Variants in TRIM59 observed in about 807,000 individuals in gnomAD.
TRIM59 encodes the protein tripartite motif containing 59, also known as tripartite motif-containing protein 59.
TRIM59 carries 14 observed loss-of-function variants against 32.2 expected under a neutral mutation model. That is an observed-to-expected ratio of 0.43 (90% CI 0.29 to 0.68). TRIM59 has a LOEUF of 0.68. Ranked by LOEUF, TRIM59 falls within the 30% of genes least tolerant of loss-of-function variation. TRIM59 has a pLI of 0.15. For synonymous variants in TRIM59, 163 were observed against 155.1 expected (o/e 1.05, Z -0.38); for missense variants, 471 against 463.3 (o/e 1.02, Z -0.15).
At chr3:160,442,872 C>T (rs1480531835) in intron 2 of TRIM59, among the ~76,000 whole-genome samples, 1 of 152,206 alleles carries the variant, frequency 6.6e-6, no homozygotes, top group Non-Finnish European at 1.5e-5. Flanking sequence ...AATTCCAGCA[C>T]TTTGGGAGGC....
At position 160,438,623 on chromosome 3, in the gene TRIM59, C is replaced by T; in HGVS notation, c.561G>A (p.Gln187=). 1 of 1,612,016 alleles carries T rather than the reference C, an allele frequency of 6.2e-7. No individual in the cohort carries two copies. The highest frequency in any genetic ancestry group is 8.5e-7 in the Non-Finnish European group (1 of 1,179,524). ...MIQGDKEAVL[Q]YFKELNDTLE... is the part of the protein sequence containing the mutation. ...ATGTATCATTAAGCTCCTTAAAATA[C>T]TGGAGAACAGCTTCCTTATCGCCTT... is the stretch of plus-strand genomic sequence containing the variant. The change falls in exon 3 of 3, where the codon CAG becomes CAA. Residue 187 remains glutamine, a synonymous_variant. Transcript: ENST00000309784.
intron 2 of TRIM59, among the ~76,000 whole-genome samples, chr3:160,442,087 T>C (rs1487219233): frequency 6.6e-6 from 1 of 152,214 alleles, no homozygotes; most frequent in Non-Finnish European, 1.5e-5. Context: ...AATAACACTT[T>C]GTAGGAAATA....
In TRIM59 at chr3:160,449,657, A is replaced by G. The variant is rs754958935; in HGVS notation, c.-74+60T>C. 9 of 1,289,674 alleles carry G rather than the reference A, an allele frequency of 7.0e-6. No individual in the cohort carries two copies. The Admixed American group carries it at 1.6e-4, about 23-fold the overall frequency. 79.9% of individuals were successfully genotyped at this position (1,289,674 alleles called of 1,614,324 possible). ...CACTAGGCACACCAGACTGTGCTACAGGAAAAGAAAAAGGACTCAGAACCA... is the reference window on the plus strand; with the variant it reads ...CACTAGGCACACCAGACTGTGCTACGGGAAAAGAAAAAGGACTCAGAACCA... On this transcript the variant is annotated intron_variant, in intron 1 of 2. Coordinates refer to ENST00000309784, the MANE Select transcript of TRIM59 (RefSeq NM_173084.3).
At position 160,438,998 on chromosome 3, in the gene TRIM59, A is replaced by G. The variant is rs775186673; in HGVS notation, c.186T>C (p.Ile62=). The change falls in exon 3 of 3, where the codon ATT becomes ATC. Residue 62 remains isoleucine (I), a synonymous_variant. Coordinates refer to ENST00000309784, the MANE Select transcript of TRIM59 (RefSeq NM_173084.3). ...IPLKCPNCRS[I]TEIAPTGIES... The stretch of plus-strand genomic sequence containing the variant: ...CAATGCCAGTTGGAGCAATTTCAGT[A>G]ATACTTCTGCAATTAGGGCACTTGA... The G allele has an allele frequency of 5.0e-6, 8 of 1,613,874 alleles. No homozygotes were observed. The highest frequency in any genetic ancestry group is 6.8e-6 in the Non-Finnish European group (8 of 1,179,870).
In TRIM59 at chr3:160,438,416, A is replaced by G; in HGVS notation, c.768T>C (p.Asp256=). ...TCAAGATCTGTACATGCTGGCGTAC[A>G]TCATCAACTTTTTCAAGAAATTTAA... ...SPLKFLEKVD[D]VRQHVQILKQ... is the part of the protein sequence containing the mutation. Residue 256 remains aspartate, a synonymous_variant, in exon 3 of 3, where the codon GAT becomes GAC. Transcript: ENST00000309784. 6.2e-7 allele frequency: 1 copy of G among 1,614,022 alleles called. No homozygotes were observed. The highest frequency in any genetic ancestry group is 1.3e-5 in the African/African-American group (1 of 75,052).
Position 160,439,135 on chromosome 3 carries a change from A to C in TRIM59, c.49T>G (p.Phe17Val), listed in dbSNP as rs746521894. The change falls in exon 3 of 3, where the codon TTT becomes GTT. Residue 17 changes from phenylalanine to valine, a missense_variant. Transcript: ENST00000309784. ...CATGGCAGTACACGAGGATCTTCAA[A>C]AATACTATAACATATGGGACAAGTT... ...ELTCPICYSI[F>V]EDPRVLPCSH... 6.6e-7 allele frequency: 1 copy of C among 1,515,950 alleles called. No homozygotes were observed. Among genetic ancestry groups the C allele is most frequent in the Non-Finnish European group, 8.8e-7 (1 of 1,134,242 alleles). 93.9% of individuals were successfully genotyped at this position (1,515,950 alleles called of 1,614,324 possible).
rs975141007 is a variant in TRIM59, at chr3:160,436,039, C to T, written c.*1933G>A. ...CTAGTATTTTAAGTAATCAGTGCAA[C>T]TTAGTATTTTTATCTCTAGCTGAGT... is the stretch of plus-strand genomic sequence containing the variant. On this transcript the variant is annotated 3_prime_UTR_variant, in exon 3 of 3. Transcript: ENST00000309784. 3 of 1,187,612 alleles carry T rather than the reference C, an allele frequency of 2.5e-6. No individual in the cohort carries two copies. The highest frequency in any genetic ancestry group is 3.2e-6 in the Non-Finnish European group (3 of 941,876). The allele number at this position is 1,187,612 out of a possible 1,614,324, so 73.6% of individuals were successfully genotyped here.
At chr3:160,443,169 T>C (rs1719343957) in intron 2 of TRIM59, among the ~76,000 whole-genome samples, 1 of 152,166 alleles carries the variant, frequency 6.6e-6, no homozygotes, top group African/African-American at 2.4e-5. Flanking sequence ...AGGCTAGTTC[T>C]TTCAGAAACC....
intron 2 of TRIM59, among the ~76,000 whole-genome samples, chr3:160,446,903 T>C (rs1173333610): frequency 6.6e-6 from 1 of 152,102 alleles, no homozygotes; most frequent in African/African-American, 2.4e-5. Flanking sequence ...CCCAAAACCA[T>C]GCACCACCCA....
chr3:160,441,560 T>C (rs1401110101), intron 2 of TRIM59, among the ~76,000 whole-genome samples: 2 of 152,052 alleles, frequency 1.3e-5, no homozygotes, highest in African/African-American at 4.8e-5. Context: ...GAGACCATCC[T>C]GCCTAACAGG....
At chr3:160,440,242 T>TA (rs1324581116) in intron 2 of TRIM59, among the ~76,000 whole-genome samples, 1 of 152,154 alleles carries the variant, frequency 6.6e-6, no homozygotes, top group Non-Finnish European at 1.5e-5. Flanking sequence ...GTTTGAAAGA[T>TA]AAGAGTTGAC....
Position 160,437,505 on chromosome 3 carries a change from C to CT in TRIM59, c.*466dup, listed in dbSNP as rs1207470027. 6.1e-6 allele frequency: 6 copies of CT among 985,462 alleles called. No homozygotes were observed. The highest frequency in any genetic ancestry group is 3.5e-5 in the African/African-American group (2 of 57,232). The allele number at this position is 985,462 out of a possible 1,614,324, so 61.0% of individuals were successfully genotyped here. A position where few individuals can be genotyped will look rare whatever the true frequency, so the allele number is the denominator to read the frequency against. The stretch of plus-strand genomic sequence containing the variant: ...AAGATCTTTAAGCCATGCCTTATCA[C>CT]TTTAAGACTTTGTTGCTTGATTTTG... On this transcript the variant is annotated 3_prime_UTR_variant, in exon 3 of 3. Transcript: ENST00000309784.
chr3:160,438,661 C>T lies in TRIM59; in HGVS notation c.523G>A (p.Glu175Lys). ...EKLKEQKSHS[E>K]KMIQGDKEAV... ...TCCTTATCGCCTTGGATCATTTTCT[C>T]AGAATGAGATTTTTGTTCTTTCAGC... The change falls in exon 3 of 3, where the codon GAG (glutamate) becomes AAG (lysine). Residue 175 changes from glutamate (E) to lysine (K), a missense_variant. Transcript: ENST00000309784. 1 of 1,613,080 alleles carries T rather than the reference C, an allele frequency of 6.2e-7. No individual in the cohort carries two copies. The highest frequency in any genetic ancestry group is 1.1e-5 in the South Asian group (1 of 90,920).
chr3:160,448,011 G>C (rs1274881406), intron 2 of TRIM59, among the ~76,000 whole-genome samples: 1 of 152,012 alleles, frequency 6.6e-6, no homozygotes, highest in Non-Finnish European at 1.5e-5. Context: ...AAAATAGTGA[G>C]AGATCACCTT....
In TRIM59 at chr3:160,437,516, T is replaced by C. The variant is rs1268072268; in HGVS notation, c.*456A>G. ...GCCATGCCTTATCACTTTAAGACTT[T>C]GTTGCTTGATTTTGAAACCTTTCTA... On this transcript the variant is annotated 3_prime_UTR_variant, in exon 3 of 3. Coordinates refer to ENST00000309784, the MANE Select transcript of TRIM59 (RefSeq NM_173084.3). 2.0e-6 allele frequency: 2 copies of C among 985,594 alleles called. No individual in the cohort carries two copies. Among genetic ancestry groups the C allele is most frequent in the Admixed American group, 6.1e-5 (1 of 16,270 alleles). The allele number at this position is 985,594 out of a possible 1,614,324, so 61.1% of individuals were successfully genotyped here. A position where few individuals can be genotyped will look rare whatever the true frequency, so the allele number is the denominator to read the frequency against.
At position 160,438,819 on chromosome 3, in the gene TRIM59, G is replaced by GT; in HGVS notation, c.364dup (p.Thr122AsnfsTer12). The GT allele has an allele frequency of 6.2e-7, 1 of 1,613,988 alleles. No individual in the cohort carries two copies. Among genetic ancestry groups the GT allele is most frequent in the South Asian group, 1.1e-5 (1 of 91,082 alleles). On this transcript the variant is annotated frameshift_variant, in exon 3 of 3. Coordinates refer to ENST00000309784, the MANE Select transcript of TRIM59 (RefSeq NM_173084.3). LOFTEE classifies it high-confidence loss of function. ...AGGATGACCATGATGTTGACCTATG[G>GT]TAAGGCAATGACCACAAACTAATTT...
chr3:160,442,571 T>C (rs900939720), intron 2 of TRIM59, among the ~76,000 whole-genome samples: 1 of 148,606 alleles, frequency 6.7e-6, no homozygotes, highest in African/African-American at 2.5e-5. Flanking sequence ...AAAAAAAAAA[T>C]AGGAAGCAAA....
chr3:160,445,795 T>C (rs947010987), intron 2 of TRIM59, among the ~76,000 whole-genome samples: 2 of 145,048 alleles, frequency 1.4e-5, no homozygotes, highest in African/African-American at 2.5e-5. Flanking sequence ...AAAAAAAAAA[T>C]TGCTAGAACT....
In TRIM59 at chr3:160,436,959, A is replaced by T. The variant is rs4679885; in HGVS notation, c.*1013T>A. The T allele has an allele frequency of 8.1e-6, 8 of 984,946 alleles. No homozygotes were observed. The East Asian group carries it at 7.9e-4, about 98-fold the overall frequency. 61.0% of individuals were successfully genotyped at this position (984,946 alleles called of 1,614,324 possible). A position where few individuals can be genotyped will look rare whatever the true frequency, so the allele number is the denominator to read the frequency against. ...AAGTTACCAACATGATTCTGTTCTA[A>T]TAAGAATGAGTTTTTAATCCAAGAA... On this transcript the variant is annotated 3_prime_UTR_variant, in exon 3 of 3. Coordinates refer to ENST00000309784, the MANE Select transcript of TRIM59 (RefSeq NM_173084.3).
Sources: gnomAD v4.1 joint callset for allele counts (sites outside exome capture counted in the v4.1 genomes callset) on GRCh38, gnomAD v4.1.1 for gene constraint, MANE v1.5 for transcripts, NCBI Gene and HGNC (gene_info 2026-07-23, HGNC 2026-07-21) for gene names.